Variants in PARVB observed in about 807,000 individuals in gnomAD.
The protein encoded by PARVB is parvin beta, also known as beta-parvin.
A neutral mutation model predicts 47.0 loss-of-function variants in PARVB; 46 were observed. That is an observed-to-expected ratio of 0.98 (90% CI 0.77 to 1.25). PARVB has a LOEUF of 1.25. Among genes scored for constraint, PARVB ranks in the 50% most tolerant of loss-of-function variants. The probability of loss-of-function intolerance (pLI) is 0.00; values close to 1 mark genes in which losing one functional copy is unlikely to be tolerated. For missense variants in PARVB, 473 were observed against 471.6 expected (o/e 1.00, Z -0.03); for synonymous variants, 196 against 196.3 (o/e 1.00, Z 0.01).
intron 2 of PARVB, among the ~76,000 whole-genome samples, chr22:44,011,645 A>C (rs2050524216): frequency 6.6e-6 from 1 of 151,996 alleles, no homozygotes; most frequent in Non-Finnish European, 1.5e-5. Context: ...TAAATAAATA[A>C]AATTTAAAAA....
chr22:44,139,975 G>A (rs2053517965), intron 7 of PARVB, 149 bp from the exon 8 acceptor site: 1 of 274,194 alleles, frequency 3.6e-6, no homozygotes, highest in South Asian at 3.9e-5. Context: ...ACAGCACCAT[G>A]TGACTTGCGT....
intron 1 of PARVB, among the ~76,000 whole-genome samples, chr22:44,083,865 A>G (rs1252365479): frequency 2.6e-5 from 4 of 152,158 alleles, no homozygotes; most frequent in African/African-American, 7.2e-5. Flanking sequence ...AAGGATTTCT[A>G]CATCAGACAG....
intron 7 of PARVB, among the ~76,000 whole-genome samples, chr22:44,137,459 G>T (rs923581739): frequency 6.6e-6 from 1 of 152,220 alleles, no homozygotes; most frequent in African/African-American, 2.4e-5. Flanking sequence ...CTGCTCGTGG[G>T]GAACTGGGAT....
At chr22:44,033,832 G>C (rs4481092) in intron 1 of PARVB, among the ~76,000 whole-genome samples, 4 of 152,140 alleles carry the variant, frequency 2.6e-5, no homozygotes, top group Non-Finnish European at 5.9e-5. Context: ...GCCTGCGTAC[G>C]TTGCTTGCTC....
chr22:44,018,244 T>A (rs970406649), intron 2 of PARVB, among the ~76,000 whole-genome samples: 69 of 151,864 alleles, frequency 4.5e-4, no homozygotes, highest in South Asian at 1.0e-3. Context: ...TCTACTAAAA[T>A]TACAAAAATT....
intron 1 of PARVB, among the ~76,000 whole-genome samples, chr22:44,076,022 G>A (rs979952113): frequency 2.6e-5 from 4 of 152,252 alleles, no homozygotes; most frequent in East Asian, 1.9e-4. Context: ...GACCTGGAGC[G>A]CAAAGCAGGA....
intron 1 of PARVB, among the ~76,000 whole-genome samples, chr22:44,090,579 C>T (rs1222359820): frequency 6.6e-6 from 1 of 152,240 alleles, no homozygotes; most frequent in Non-Finnish European, 1.5e-5. Flanking sequence ...GCAGGGCTGC[C>T]TCGAAGCGTT....
At chr22:44,110,505 T>A (rs958718758) in intron 3 of PARVB, 3 of 152,120 alleles carry the variant, frequency 2.0e-5, no homozygotes, top group Non-Finnish European at 4.4e-5. Context: ...TGTGAAACAG[T>A]GGAGTGTGGG....
chr22:44,002,757 G>A (rs940168510), intron 2 of PARVB, among the ~76,000 whole-genome samples: 1 of 152,086 alleles, frequency 6.6e-6, no homozygotes, highest in South Asian at 2.1e-4. Flanking sequence ...TGTCTCAGTC[G>A]TGCCTTCCTG....
chr22:44,049,236 G>A lies in PARVB; in HGVS notation c.112+24785G>A, dbSNP rs977315257. Among the ~76,000 whole-genome samples the A allele has an allele frequency of 2.0e-5, 3 of 152,184 alleles. No homozygotes were observed. Among genetic ancestry groups the A allele is most frequent in the African/African-American group, 7.2e-5 (3 of 41,446 alleles). ...CCTCTCACTGAAGACATCTCCGGGT[G>A]GAAATGTTCTGAGAGCTGCTGTGTG... On this transcript the variant is annotated intron_variant, in intron 1 of 12. Transcript: ENST00000338758. The surrounding 1 kb of genome is among the most constrained non-coding windows in gnomAD (Gnocchi z 4.0).
intron 1 of PARVB, among the ~76,000 whole-genome samples, chr22:44,029,582 C>A (rs994856362): frequency 6.6e-6 from 1 of 152,042 alleles, no homozygotes; most frequent in Non-Finnish European, 1.5e-5. Flanking sequence ...TTGAGACCAG[C>A]CTGGCCAACG....
intron 1 of PARVB, among the ~76,000 whole-genome samples, chr22:44,027,174 G>T (rs1240782931): frequency 6.6e-6 from 1 of 152,144 alleles, no homozygotes; most frequent in South Asian, 2.1e-4. Flanking sequence ...GAAGCTCTGG[G>T]GACGTGAAAG....
At chr22:44,130,027 G>T (rs979820659) in intron 4 of PARVB, among the ~76,000 whole-genome samples, 1 of 152,234 alleles carries the variant, frequency 6.6e-6, no homozygotes, top group Non-Finnish European at 1.5e-5. Context: ...TGAGGGAGGG[G>T]AGGCTGCTGG....
intron 3 of PARVB, among the ~76,000 whole-genome samples, chr22:44,117,467 C>G (rs1395569801): frequency 6.6e-6 from 1 of 152,108 alleles, no homozygotes; most frequent in Non-Finnish European, 1.5e-5. Context: ...CTCTCCCTCC[C>G]CCTGCCAGCC....
chr22:44,029,487 C>T (rs561850046), intron 1 of PARVB, among the ~76,000 whole-genome samples: 5 of 152,314 alleles, frequency 3.3e-5, no homozygotes, highest in Non-Finnish European at 5.9e-5. Flanking sequence ...ACCTCATCAA[C>T]TAGATCTAAA....
At chr22:44,037,166 A>G (rs1236508595) in intron 1 of PARVB, among the ~76,000 whole-genome samples, 3 of 152,026 alleles carry the variant, frequency 2.0e-5, no homozygotes, top group African/African-American at 7.3e-5. Flanking sequence ...TGCAAAAGAA[A>G]ACAAAACAAC....
rs1034921709 is a variant in PARVB, at chr22:44,089,269, A to G, written c.113-4659A>G. 1 of 152,258 alleles carries G rather than the reference A, an allele frequency of 6.6e-6. No individual in the cohort carries two copies. Among genetic ancestry groups the G allele is most frequent in the Non-Finnish European group, 1.5e-5 (1 of 68,112 alleles). The allele number at this position is 152,258 out of a possible 1,614,324, so 9.4% of individuals were successfully genotyped here. The stretch of plus-strand genomic sequence containing the variant: ...GCTGCTGGGTTTCGTGTGGACAGAG[A>G]CATTCATCTTAGAACAATGCAGACA... On this transcript the variant is annotated intron_variant, in intron 1 of 12. Transcript: ENST00000338758. This position sits in a 1 kb window ranked among gnomAD's most constrained non-coding sequence, Gnocchi z 4.0.
intron 5 of PARVB, among the ~76,000 whole-genome samples, chr22:44,132,662 G>A (rs2053354193): frequency 1.3e-5 from 2 of 152,070 alleles, no homozygotes; most frequent in South Asian, 4.2e-4. Flanking sequence ...AAAACATTGT[G>A]CTTCTAAAAG....
chr22:44,099,290 G>A (rs751236567), intron 2 of PARVB, among the ~76,000 whole-genome samples: 88 of 152,160 alleles, frequency 5.8e-4, no homozygotes, highest in Admixed American at 1.5e-3. Context: ...CTCGGCGCCC[G>A]CTGGCTTCTG....
Sources: allele counts gnomAD v4.1 joint callset (sites outside exome capture counted in the v4.1 genomes callset), GRCh38; gene constraint gnomAD v4.1.1; non-coding constraint Gnocchi (gnomAD v3.1); transcripts MANE v1.5; gene names NCBI Gene and HGNC (gene_info 2026-07-23, HGNC 2026-07-21).